Variants in CLRN1 observed in about 807,000 individuals in gnomAD.
The protein encoded by CLRN1 is clarin-1.
CLRN1 carries 15 observed loss-of-function variants against 18.7 expected under a neutral mutation model. That is an observed-to-expected ratio of 0.80 (90% CI 0.54 to 1.23). The LOEUF (loss-of-function observed/expected upper bound fraction) is 1.23. Ranked by LOEUF, CLRN1 falls within the 50% of genes most tolerant of loss-of-function variation. The probability of loss-of-function intolerance (pLI) is 0.00; values close to 1 mark genes in which losing one functional copy is unlikely to be tolerated. For missense variants in CLRN1, 311 were observed against 277.5 expected, an observed-to-expected ratio of 1.12 and a Z score of -0.86; for synonymous variants, 104 against 102.9, an observed-to-expected ratio of 1.01 and a Z score of -0.07.
rs1158280452 is a variant in CLRN1 at position 150,972,691 on chromosome 3, C to T, written c.18G>A (p.Lys6=). The T allele has an allele frequency of 2.5e-6, 4 of 1,614,068 alleles. No homozygotes were observed. The highest frequency in any genetic ancestry group is 3.4e-6 in the Non-Finnish European group (4 of 1,180,050). Residue 6 remains lysine, a synonymous_variant, in exon 1 of 3, where the codon AAG becomes AAA. Coordinates refer to ENST00000327047, the MANE Select transcript of CLRN1 (RefSeq NM_174878.3). ...CTCCGGCCATGCAAAAAATGATTTT[C>T]TTCTGTTGGCTTGGCATGATGAGAA... MPSQQ[K]KIIFCMAGVF...
At chr3:150,941,194 T>TATATATAG (rs1165385012) in intron 2 of CLRN1, among the ~76,000 whole-genome samples, 1 of 148,254 alleles carries the variant, frequency 6.7e-6, no homozygotes, top group Non-Finnish European at 1.5e-5. Context: ...TATATATATA[T>TATATATAG]AGCCCCCATA....
rs1474836783 is a variant in CLRN1 at position 150,927,369 on chromosome 3, C to T, written c.*567G>A. 1 of 436,226 alleles carries T rather than the reference C, an allele frequency of 2.3e-6. No homozygotes were observed. The highest frequency in any genetic ancestry group is 4.6e-6 in the Non-Finnish European group (1 of 218,818). 27.0% of individuals were successfully genotyped at this position (436,226 alleles called of 1,614,324 possible). On this transcript the variant is annotated 3_prime_UTR_variant, in exon 3 of 3. Coordinates refer to ENST00000327047, the MANE Select transcript of CLRN1 (RefSeq NM_174878.3). ...CGAACTCCTGAACTCAAATGATCTTCCCACCTTGGCCTCCTGAAGTGCTGG... is the reference window on the plus strand; with the variant it reads ...CGAACTCCTGAACTCAAATGATCTTTCCACCTTGGCCTCCTGAAGTGCTGG...
intron 1 of CLRN1, among the ~76,000 whole-genome samples, chr3:150,945,990 T>C (rs948521007): frequency 1.4e-4 from 22 of 152,232 alleles, no homozygotes; most frequent in African/African-American, 4.8e-4. Context: ...CATTTCTTGA[T>C]AATAAGAGGT....
At chr3:150,967,349 A>G (rs1170640361) in intron 1 of CLRN1, among the ~76,000 whole-genome samples, 1 of 152,192 alleles carries the variant, frequency 6.6e-6, no homozygotes, top group Non-Finnish European at 1.5e-5. Flanking sequence ...TTTCTTTCAC[A>G]ATAGTGCTTC....
chr3:150,937,795 T>A (rs2107943675), intron 2 of CLRN1, among the ~76,000 whole-genome samples: 1 of 152,230 alleles, frequency 6.6e-6, no homozygotes, highest in South Asian at 2.1e-4. Context: ...TATGAAGCCA[T>A]AAGTATGAGC....
upstream of CLRN1, chr3:150,972,911 C>A (rs62284764): frequency 2.8e-6 from 2 of 713,198 alleles, no homozygotes; most frequent in African/African-American, 3.5e-5. Flanking sequence ...TGGCTTTTCT[C>A]CTTTTCTGCT....
chr3:150,962,635 C>T (rs925558862), intron 1 of CLRN1, among the ~76,000 whole-genome samples: 1 of 152,112 alleles, frequency 6.6e-6, no homozygotes, highest in Non-Finnish European at 1.5e-5. Flanking sequence ...TTGTTAATTG[C>T]TGTGGTGAAA....
intron 1 of CLRN1, among the ~76,000 whole-genome samples, chr3:150,949,251 G>A (rs909983733): frequency 7.9e-5 from 12 of 151,996 alleles, no homozygotes; most frequent in African/African-American, 2.2e-4. Context: ...CACAAACATC[G>A]TACTGAATGG....
chr3:150,968,484 T>G lies in CLRN1; in HGVS notation c.253+3972A>C, dbSNP rs769455157. Among the ~76,000 whole-genome samples the G allele has an allele frequency of 3.3e-5, 5 of 152,038 alleles. No individual in the cohort carries two copies. In the East Asian group the frequency reaches 7.7e-4, roughly 23 times the overall value. Reference sequence around the variant, plus strand: ...ATAAGTGGATGAGAATCAGCCAGAGTAAATGAGGCAGAAGTTTTCCCAGCG... The same window carrying G: ...ATAAGTGGATGAGAATCAGCCAGAGGAAATGAGGCAGAAGTTTTCCCAGCG... On this transcript the variant is annotated intron_variant, in intron 1 of 2. Transcript: ENST00000327047.
At position 150,927,104 on chromosome 3, in the gene CLRN1, C is replaced by T. The variant is rs1189172337; in HGVS notation, c.*832G>A. 2.7e-6 allele frequency: 2 copies of T among 754,044 alleles called. No homozygotes were observed. Among genetic ancestry groups the T allele is most frequent in the Non-Finnish European group, 4.5e-6 (2 of 439,622 alleles). The allele number at this position is 754,044 out of a possible 1,614,324, so 46.7% of individuals were successfully genotyped here. A position where few individuals can be genotyped will look rare whatever the true frequency, so the allele number is the denominator to read the frequency against. ...GCAGAGATCATTTTTCATGATTCCT[C>T]AGTGGTCCTAACAATTATGTTCATT... On this transcript the variant is annotated 3_prime_UTR_variant, in exon 3 of 3. Coordinates refer to ENST00000327047, the MANE Select transcript of CLRN1 (RefSeq NM_174878.3).
At chr3:150,946,704 C>CTTTTTTTTTTTTTTT (rs34471891) in intron 1 of CLRN1, among the ~76,000 whole-genome samples, 3 of 110,710 alleles carry the variant, frequency 2.7e-5, no homozygotes, top group South Asian at 2.8e-4. Context: ...CAGACCATTT[C>CTTTTTTTTTTTTTTT]TTTTTTTTTT....
In CLRN1 at chr3:150,927,821, C is replaced by T. The variant is rs182501934; in HGVS notation, c.*115G>A. 759 of 1,259,948 alleles carry T rather than the reference C, an allele frequency of 6.0e-4. 1 individual carries two copies. The highest frequency in any genetic ancestry group is 7.3e-4 in the Non-Finnish European group (630 of 866,488). The allele number at this position is 1,259,948 out of a possible 1,614,324, so 78.0% of individuals were successfully genotyped here. On this transcript the variant is annotated 3_prime_UTR_variant, in exon 3 of 3. Transcript: ENST00000327047. The stretch of plus-strand genomic sequence containing the variant: ...AGTACGTAATTTGTAAACATTGTCA[C>T]GAAGGGTCCTGATGCTTTAATATAT...
At chr3:150,947,871 A>G (rs1714258102) in intron 1 of CLRN1, among the ~76,000 whole-genome samples, 2 of 152,224 alleles carry the variant, frequency 1.3e-5, no homozygotes, top group African/African-American at 4.8e-5. Context: ...AAGATACAAC[A>G]TACCAGACTC....
intron 1 of CLRN1, among the ~76,000 whole-genome samples, chr3:150,961,629 T>C (rs1038393129): frequency 6.6e-6 from 1 of 152,320 alleles, no homozygotes; most frequent in African/African-American, 2.4e-5. Context: ...TCTCAACCTG[T>C]CCTTCTCTAC....
Position 150,928,025 on chromosome 3 carries a change from G to A in CLRN1, c.610C>T (p.Leu204Phe). Residue 204 changes from leucine (L) to phenylalanine (F), a missense_variant, in exon 3 of 3, where the codon CTC (leucine) becomes TTC (phenylalanine). By Grantham distance (22) the Leu-to-Phe change is conservative. Coordinates refer to ENST00000327047, the MANE Select transcript of CLRN1 (RefSeq NM_174878.3). ...TGAAATCCAGCAAGTCGTATTAGGA[G>A]CCCATTCAGAAAATGAACAAAAAAG... ...FCFFVHFLNG[L>F]LIRLAGFQFP... 1 of 1,614,146 alleles carries A rather than the reference G, an allele frequency of 6.2e-7. No homozygotes were observed. The highest frequency in any genetic ancestry group is 8.5e-7 in the Non-Finnish European group (1 of 1,180,012).
At chr3:150,953,123 GTC>G (rs1213189356) in intron 1 of CLRN1, among the ~76,000 whole-genome samples, 2 of 152,144 alleles carry the variant, frequency 1.3e-5, no homozygotes, top group Non-Finnish European at 2.9e-5. Context: ...GATTTGCTTG[GTC>G]TCTCTGTTCT....
At chr3:150,943,090 G>A (rs901162923) in intron 1 of CLRN1, among the ~76,000 whole-genome samples, 7 of 152,106 alleles carry the variant, frequency 4.6e-5, no homozygotes, top group East Asian at 3.9e-4. Flanking sequence ...AGAACTGTCC[G>A]GGTGAATTAG....
intron 1 of CLRN1, among the ~76,000 whole-genome samples, chr3:150,946,569 T>A (rs1239613214): frequency 6.6e-6 from 1 of 151,678 alleles, no homozygotes; most frequent in East Asian, 1.9e-4. Context: ...TTTTTTTTAA[T>A]AATTGGAAGG....
intron 1 of CLRN1, among the ~76,000 whole-genome samples, chr3:150,957,913 A>G (rs1559990188): frequency 1.3e-5 from 2 of 152,042 alleles, no homozygotes; most frequent in Admixed American, 1.3e-4. Flanking sequence ...TACCCACTGC[A>G]GCCTCCCAAA....
Sources: gnomAD v4.1 joint callset for allele counts (sites outside exome capture counted in the v4.1 genomes callset) on GRCh38, gnomAD v4.1.1 for gene constraint, MANE v1.5 for transcripts, NCBI Gene and HGNC (gene_info 2026-07-23, HGNC 2026-07-21) for gene names.